Variants in MUC22 observed in about 807,000 individuals in gnomAD.
MUC22 encodes mucin-22.
MUC22 carries 24 observed loss-of-function variants against 40.3 expected under a neutral mutation model. The ratio of observed to expected loss-of-function variants is 0.60; its 90% confidence interval spans 0.43 to 0.84. The LOEUF (loss-of-function observed/expected upper bound fraction) is 0.84, where lower values mean the gene tolerates loss of function less well. Ranked by LOEUF, MUC22 falls within the 40% of genes least tolerant of loss-of-function variation. The pLI, the probability that MUC22 is intolerant of heterozygous loss-of-function variation, is 0.00. For synonymous variants in MUC22, 765 were observed against 844.5 expected (o/e 0.91, Z 1.63); for missense variants, 1,926 against 2,130.7 (o/e 0.90, Z 1.89).
chr6:31,013,122 C>T (rs1479918654), intron 1 of MUC22, among the ~76,000 whole-genome samples: 1 of 145,200 alleles, frequency 6.9e-6, no homozygotes, highest in African/African-American at 2.5e-5. Context: ...TCCTCCTCAC[C>T]CCCATTCTTT....
At chr6:31,008,913 T>G (rs1763692292), upstream of MUC22, among the ~76,000 whole-genome samples, 1 of 152,198 alleles carries the variant, frequency 6.6e-6, no homozygotes, top group Non-Finnish European at 1.5e-5. Context: ...ATTATATGTT[T>G]TCAGCGTGTA....
exon 4 of MUC22, chr6:31,035,309 G>T (rs552365564): frequency 7.8e-6 from 2 of 255,536 alleles, no homozygotes; most frequent in African/African-American, 4.4e-5. Flanking sequence ...CAGGGTCAAC[G>T]TTTCTCATCC....
exon 4 of MUC22, chr6:31,034,839 C>G: frequency 1.3e-6 from 2 of 1,535,338 alleles, no homozygotes; most frequent in Non-Finnish European, 1.7e-6. Flanking sequence ...GAGGAACACA[C>G]GGCTTTGGAT....
upstream of MUC22, chr6:31,006,086 G>A (rs140234453): frequency 2.9e-5 from 10 of 349,240 alleles, no homozygotes; most frequent in Non-Finnish European, 2.2e-5. Context: ...CAGCCTGGTC[G>A]ACAGAGCGAG....
At position 31,032,377 on chromosome 6, in the gene MUC22, C is replaced by T. The variant is rs1192040055; in HGVS notation, c.4851C>T (p.Thr1617=). 1.3e-6 allele frequency: 2 copies of T among 1,535,600 alleles called. No individual in the cohort carries two copies. Among genetic ancestry groups the T allele is most frequent in the African/African-American group, 1.4e-5 (1 of 73,036 alleles). The change falls in exon 3 of 4, where the codon ACC becomes ACT. Residue 1617 remains threonine, a synonymous_variant. Transcript: ENST00000561890. This position sits in a 1 kb window ranked among gnomAD's most constrained non-coding sequence, Gnocchi z 4.1. ...CCTCAGCCCACGGCGTCAGGACCAC[C>T]ACAGGATCCACCCGTGAGCCAACCA... is the stretch of plus-strand genomic sequence containing the variant.
chr6:31,027,446 G>A, exon 2 of MUC22: 10 of 1,530,720 alleles, frequency 6.5e-6, no homozygotes, highest in Non-Finnish European at 8.7e-6. Context: ...TGTACTGAAG[G>A]CTCTGAGATG....
chr6:31,034,893 C>G lies in MUC22; in HGVS notation c.5277C>G (p.Tyr1759Ter). The G allele has an allele frequency of 1.3e-6, 2 of 1,535,310 alleles. No homozygotes were observed. Among genetic ancestry groups the G allele is most frequent in the Non-Finnish European group, 1.7e-6 (2 of 1,146,834 alleles). ...TGAGCCACATCCATGGAGATGGCTA[C>G]GGAGTGAATCATGGCGGGCATTATG... The change falls in exon 4 of 4, where the codon TAC (tyrosine) becomes TAG (stop). Residue 1759 changes from tyrosine to a stop codon, truncating the protein, a stop_gained. Transcript: ENST00000561890. LOFTEE classifies it low-confidence loss of function (END_TRUNC).
At chr6:31,021,128 G>GGCAGCTCCACCT (rs1463944456) in intron 1 of MUC22, among the ~76,000 whole-genome samples, 1 of 152,282 alleles carries the variant, frequency 6.6e-6, no homozygotes, top group Non-Finnish European at 1.5e-5. Context: ...AGGACTGGCA[G>GGCAGCTCCACCT]GCAGCTCCAC....
Position 31,011,727 on chromosome 6 carries a change from T to C in MUC22, c.70+951T>C, listed in dbSNP as rs757702333. On this transcript the variant is annotated intron_variant, in intron 1 of 3. Coordinates refer to ENST00000561890, the Ensembl canonical transcript of MUC22. This position sits in a 1 kb window ranked among gnomAD's most constrained non-coding sequence, Gnocchi z 4.5. ...CCAGTAGTGGGATTACTGGATCAAATGGTAGATCTACTTTTAGTTCTTTAA... is the reference window on the plus strand; with the variant it reads ...CCAGTAGTGGGATTACTGGATCAAACGGTAGATCTACTTTTAGTTCTTTAA... Among the ~76,000 whole-genome samples, 2 of 152,216 alleles carry C rather than the reference T, an allele frequency of 1.3e-5. No homozygotes were observed. Among genetic ancestry groups the C allele is most frequent in the Non-Finnish European group, 2.9e-5 (2 of 68,036 alleles).
chr6:31,028,269 A>T, exon 2 of MUC22: 3 of 1,534,204 alleles, frequency 2.0e-6, no homozygotes, highest in Non-Finnish European at 2.6e-6. Context: ...GGACCACTAC[A>T]GTCTCCATCA....
At chr6:31,019,696 A>C (rs2150760350) in intron 1 of MUC22, among the ~76,000 whole-genome samples, 1 of 152,334 alleles carries the variant, frequency 6.6e-6, no homozygotes, top group East Asian at 1.9e-4. Context: ...TCTACTAGAA[A>C]TACAAAAATT....
exon 2 of MUC22, chr6:31,027,696 C>A: frequency 6.5e-7 from 1 of 1,532,744 alleles, no homozygotes. Context: ...GCTCTGACAC[C>A]ACCACAGCCT....
intron 3 of MUC22, among the ~76,000 whole-genome samples, chr6:31,033,477 C>T (rs750621604): frequency 2.2e-4 from 34 of 152,248 alleles, no homozygotes; most frequent in Admixed American, 5.9e-4. Context: ...TGACCTCCCA[C>T]TCCATCTCTG....
chr6:31,017,727 C>T (rs6910115), intron 1 of MUC22, among the ~76,000 whole-genome samples: 22,055 of 146,628 alleles, frequency 0.15, 1,742 homozygotes, highest in African/African-American at 0.2. Flanking sequence ...CAAAACAGAC[C>T]AATCAGCTCT....
chr6:31,022,019 C>T (rs1040806842), intron 1 of MUC22, among the ~76,000 whole-genome samples: 45 of 152,208 alleles, frequency 3.0e-4, no homozygotes, highest in Admixed American at 8.5e-4. Flanking sequence ...AGGAACAATT[C>T]CACACGCATG....
At chr6:31,030,922 T>C (rs1766015455) in intron 2 of MUC22, among the ~76,000 whole-genome samples, 1 of 152,166 alleles carries the variant, frequency 6.6e-6, no homozygotes, top group African/African-American at 2.4e-5. Context: ...TTTCTGCTTT[T>C]CCGTGTATTT....
rs576305968 is a variant in MUC22 at position 31,025,503 on chromosome 6, C to G, written c.72C>G (p.Ser24Arg). 6 of 1,492,986 alleles carry G rather than the reference C, an allele frequency of 4.0e-6. No individual in the cohort carries two copies. The South Asian group carries it at 8.0e-5, about 20-fold the overall frequency. 92.5% of individuals were successfully genotyped at this position (1,492,986 alleles called of 1,614,324 possible). ...CACCTTATTTGTTCTCCACCTCAGG[C>G]TCTGAGAATACCACAGCCTTCACAA... is the stretch of plus-strand genomic sequence containing the variant. Residue 24 changes from serine to arginine, a missense_variant and splice_region_variant, in exon 2 of 4, where the codon AGC (serine) becomes AGG (arginine). By Grantham distance (110) the Ser-to-Arg change is moderately radical. Around this residue, in one of 3 missense-constraint regions of MUC22, gnomAD observed 1,281 missense variants for 1,337.8 expected, o/e 0.96. Transcript: ENST00000561890.
chr6:31,024,277 A>G (rs1184365127), intron 1 of MUC22, among the ~76,000 whole-genome samples: 1 of 152,240 alleles, frequency 6.6e-6, no homozygotes, highest in Non-Finnish European at 1.5e-5. Context: ...AACAACTAAC[A>G]AAACTTGAAA....
chr6:31,028,616 CTG>C lies in MUC22; in HGVS notation c.3186_3187del (p.Glu1063AspfsTer10). 1 of 1,535,018 alleles carries C rather than the reference CTG, an allele frequency of 6.5e-7. No individual in the cohort carries two copies. Among genetic ancestry groups the C allele is most frequent in the Non-Finnish European group, 8.7e-7 (1 of 1,146,722 alleles). ...ATGACCACAGTCTTCACTGAAAACT[CTG>C]AGACCACCATAGCCTCTACCACAGC... is the stretch of plus-strand genomic sequence containing the variant. On this transcript the variant is annotated frameshift_variant, in exon 2 of 4. Transcript: ENST00000561890. LOFTEE classifies it high-confidence loss of function.
Sources: allele counts gnomAD v4.1 joint callset (sites outside exome capture counted in the v4.1 genomes callset), GRCh38; gene constraint gnomAD v4.1.1; regional missense constraint gnomAD v4.1.1; non-coding constraint Gnocchi (gnomAD v3.1); transcripts MANE v1.5; gene names NCBI Gene and HGNC (gene_info 2026-07-23, HGNC 2026-07-21).